Variants in DKK2 observed in about 807,000 individuals in gnomAD.
DKK2 encodes the protein dickkopf-related protein 2.
Under a neutral mutation model 28.1 loss-of-function variants are expected in DKK2, and 11 were observed. That is an observed-to-expected ratio of 0.39 (90% CI 0.25 to 0.65). The LOEUF is 0.65. DKK2 is among the 30% of genes least tolerant of loss of function. DKK2 has a pLI of 0.47. For missense variants in DKK2, 326 were observed against 335.5 expected (o/e 0.97, Z 0.22); for synonymous variants, 135 against 126.5 (o/e 1.07, Z -0.45).
intron 1 of DKK2, among the ~76,000 whole-genome samples, chr4:106,983,337 G>GAAGAAAGAAGAAAGA (rs1553923102): frequency 1.1e-4 from 13 of 120,506 alleles, no homozygotes; most frequent in South Asian, 2.9e-4. Flanking sequence ...AGGAAGAAAG[G>GAAGAAAGAAGAAAGA]AAGAAAGAAA....
intron 1 of DKK2, among the ~76,000 whole-genome samples, chr4:106,937,579 A>G (rs576154351): frequency 6.6e-6 from 1 of 152,014 alleles, no homozygotes; most frequent in East Asian, 1.9e-4. Flanking sequence ...GTCAACAAGG[A>G]TACCCAAGAA....
chr4:106,960,422 A>AGGG (rs1722669885), intron 1 of DKK2, among the ~76,000 whole-genome samples: 1 of 151,996 alleles, frequency 6.6e-6, no homozygotes, highest in East Asian at 1.9e-4. Flanking sequence ...GACTCAGAAG[A>AGGG]GGGGAGCTGG....
intron 1 of DKK2, among the ~76,000 whole-genome samples, chr4:106,930,659 A>G (rs1479734300): frequency 6.6e-6 from 1 of 152,186 alleles, no homozygotes; most frequent in Non-Finnish European, 1.5e-5. Flanking sequence ...TTGTTGTTTT[A>G]ATCGGGACAA....
At chr4:107,029,623 T>C (rs1723846621) in intron 1 of DKK2, among the ~76,000 whole-genome samples, 1 of 152,150 alleles carries the variant, frequency 6.6e-6, no homozygotes, top group African/African-American at 2.4e-5. Flanking sequence ...TCTATTTCCC[T>C]GAAGAAAGAA....
intron 1 of DKK2, among the ~76,000 whole-genome samples, chr4:106,971,577 C>A (rs1367747016): frequency 6.6e-6 from 1 of 152,060 alleles, no homozygotes; most frequent in Non-Finnish European, 1.5e-5. Context: ...AATGCCTTAA[C>A]TAAACAAAGT....
intron 1 of DKK2, among the ~76,000 whole-genome samples, chr4:106,955,303 T>A (rs1250762436): frequency 1.3e-5 from 2 of 152,186 alleles, no homozygotes; most frequent in Non-Finnish European, 2.9e-5. Flanking sequence ...TACCCCTTCT[T>A]TAGAAGTTGG....
intron 1 of DKK2, among the ~76,000 whole-genome samples, chr4:106,966,100 T>C (rs1722777403): frequency 6.6e-6 from 1 of 152,068 alleles, no homozygotes; most frequent in Non-Finnish European, 1.5e-5. Flanking sequence ...ATAAAGTAAT[T>C]TAAGATTTAA....
chr4:107,027,756 A>AGTTTTTTTTTTTTTTTTTTTTTTTT (rs1723807609), intron 1 of DKK2, among the ~76,000 whole-genome samples: 1 of 135,306 alleles, frequency 7.4e-6, no homozygotes, highest in African/African-American at 2.8e-5. Flanking sequence ...ACCTATTATG[A>AGTTTTTTTTTTTTTTTTTTTTTTTT]TTTTTTTTTT....
chr4:106,925,661 T>A (rs1164671256), intron 2 of DKK2, 138 bp downstream of exon 2: 1 of 1,158,838 alleles, frequency 8.6e-7, no homozygotes, highest in African/African-American at 1.5e-5. Context: ...ATCCAGGTAA[T>A]CTTACACTAC....
intron 1 of DKK2, among the ~76,000 whole-genome samples, chr4:106,957,869 A>G (rs924487631): frequency 6.6e-6 from 1 of 150,752 alleles, no homozygotes; most frequent in South Asian, 2.1e-4. Context: ...TAACCTGCAC[A>G]TTGTGCACAT....
chr4:106,933,078 A>T (rs906517208), intron 1 of DKK2, among the ~76,000 whole-genome samples: 2 of 152,180 alleles, frequency 1.3e-5, no homozygotes, highest in Non-Finnish European at 2.9e-5. Context: ...TTACTGCTTC[A>T]CAGACTCTTC....
chr4:106,955,697 TTTTA>T (rs1409316453), intron 1 of DKK2, among the ~76,000 whole-genome samples: 3 of 152,154 alleles, frequency 2.0e-5, no homozygotes, highest in African/African-American at 7.2e-5. Flanking sequence ...TACCAACTGG[TTTTA>T]TTTAACACAA....
chr4:106,973,115 A>G (rs1030154518), intron 1 of DKK2, among the ~76,000 whole-genome samples: 1 of 152,230 alleles, frequency 6.6e-6, no homozygotes, highest in Non-Finnish European at 1.5e-5. Context: ...TATATGTGCC[A>G]CATTGTCTTT....
At chr4:107,002,093 T>C (rs1723368032) in intron 1 of DKK2, among the ~76,000 whole-genome samples, 2 of 152,228 alleles carry the variant, frequency 1.3e-5, no homozygotes, top group South Asian at 4.1e-4. Flanking sequence ...TGCACTTTGG[T>C]ATATAATGAC....
chr4:106,925,849 T>C lies in DKK2; in HGVS notation c.323A>G (p.Lys108Arg), dbSNP rs2110339082. ...GCACATGCCATCTCGGTGGCAGCGC[T>C]TCTTTTTTCTCCGACACACCATGCA... ...SACMVCRRKK[K>R]RCHRDGMCCP... The change falls in exon 2 of 4, where the codon AAG (lysine) becomes AGG (arginine). Residue 108 changes from lysine (K) to arginine (R), a missense_variant. Physicochemically the swap from Lys to Arg is conservative, Grantham distance 26. Coordinates refer to ENST00000285311, the MANE Select transcript of DKK2 (RefSeq NM_014421.3). 1 of 1,613,300 alleles carries C rather than the reference T, an allele frequency of 6.2e-7. No homozygotes were observed. Among genetic ancestry groups the C allele is most frequent in the South Asian group, 1.1e-5 (1 of 91,012 alleles).
At chr4:106,973,256 A>G (rs924834590) in intron 1 of DKK2, among the ~76,000 whole-genome samples, 6 of 152,194 alleles carry the variant, frequency 3.9e-5, no homozygotes, top group African/African-American at 1.4e-4. Flanking sequence ...ATACCCAGTA[A>G]TGGGACTGCT....
At chr4:106,962,227 CA>C (rs145195506) in intron 1 of DKK2, among the ~76,000 whole-genome samples, 3,521 of 152,106 alleles carry the variant, frequency 0.023, 145 homozygotes, top group African/African-American at 0.081. Context: ...TTATGGATTT[CA>C]AAATATTGTT....
intron 1 of DKK2, among the ~76,000 whole-genome samples, chr4:106,954,585 G>A (rs1722559082): frequency 1.3e-5 from 2 of 152,094 alleles, no homozygotes; most frequent in Admixed American, 1.3e-4. Flanking sequence ...GCAATGGCAT[G>A]ATCTCGGCTC....
intron 1 of DKK2, among the ~76,000 whole-genome samples, chr4:107,017,543 T>C (rs1033161436): frequency 1.5e-4 from 23 of 151,984 alleles, no homozygotes; most frequent in African/African-American, 5.3e-4. Flanking sequence ...TCCACTATTA[T>C]TTTTCCTATT....
Sources: allele counts gnomAD v4.1 joint callset (sites outside exome capture counted in the v4.1 genomes callset), GRCh38; gene constraint gnomAD v4.1.1; transcripts MANE v1.5; gene names NCBI Gene and HGNC (gene_info 2026-07-23, HGNC 2026-07-21).